Variants in IKZF2 observed in about 807,000 individuals in gnomAD.
IKZF2 encodes IKAROS family zinc finger 2.
Under a neutral mutation model 49.2 loss-of-function variants are expected in IKZF2, and 15 were observed. That is an observed-to-expected ratio of 0.30 (90% CI 0.20 to 0.47). IKZF2 has a LOEUF of 0.47. IKZF2 is among the 20% of genes least tolerant of loss of function. The pLI is 1.00. For missense variants in IKZF2, 567 were observed against 664.6 expected, an observed-to-expected ratio of 0.85 and a Z score of 1.61; for synonymous variants, 227 against 221.4, an observed-to-expected ratio of 1.03 and a Z score of -0.23.
chr2:213,099,129 C>T (rs1488727173), intron 4 of IKZF2, among the ~76,000 whole-genome samples: 1 of 152,058 alleles, frequency 6.6e-6, no homozygotes, highest in Non-Finnish European at 1.5e-5. Context: ...ATCTAGTAAA[C>T]TGAGTTTATT....
At chr2:213,066,595 C>T (rs1702188767) in intron 4 of IKZF2, among the ~76,000 whole-genome samples, 1 of 152,010 alleles carries the variant, frequency 6.6e-6, no homozygotes, top group African/African-American at 2.4e-5. Context: ...TAAGATCTAT[C>T]AAGTAGTGAG....
intron 4 of IKZF2, among the ~76,000 whole-genome samples, chr2:213,146,958 A>G (rs1021515400): frequency 6.6e-6 from 1 of 152,110 alleles, no homozygotes; most frequent in African/African-American, 2.4e-5. Flanking sequence ...CTTGATAACT[A>G]AACTGATAAA....
At chr2:213,117,863 T>C (rs552986562) in intron 4 of IKZF2, among the ~76,000 whole-genome samples, 5 of 152,358 alleles carry the variant, frequency 3.3e-5, no homozygotes, top group Non-Finnish European at 7.3e-5. Flanking sequence ...CAATGGAATT[T>C]AACCACCATT....
intron 3 of IKZF2, among the ~76,000 whole-genome samples, chr2:213,148,045 AC>A (rs2061142332): frequency 6.6e-6 from 1 of 152,252 alleles, no homozygotes; most frequent in Non-Finnish European, 1.5e-5. Context: ...TTATCTCAAT[AC>A]ATAAGTTGTT....
At chr2:213,063,833 T>C (rs903024965) in intron 4 of IKZF2, among the ~76,000 whole-genome samples, 190 of 152,120 alleles carry the variant, frequency 1.2e-3, no homozygotes, top group African/African-American at 4.5e-3. Context: ...TAGTATTATA[T>C]TTAGGACAAA....
intron 4 of IKZF2, among the ~76,000 whole-genome samples, chr2:213,065,358 T>C (rs908952264): frequency 6.6e-6 from 1 of 152,068 alleles, no homozygotes; most frequent in African/African-American, 2.4e-5. Context: ...TGAGAGGAAA[T>C]ACTGCCTTTA....
At chr2:213,008,216 T>C in intron 8 of IKZF2, 132 bp from the exon 9 acceptor site, 1 of 1,102,644 alleles carries the variant, frequency 9.1e-7, no homozygotes, top group Non-Finnish European at 1.3e-6. Context: ...TATATATTAC[T>C]CTATAAGTCA....
chr2:213,037,555 C>T (rs1175998369), intron 6 of IKZF2, among the ~76,000 whole-genome samples: 7 of 152,102 alleles, frequency 4.6e-5, no homozygotes, highest in Non-Finnish European at 7.4e-5. Flanking sequence ...GTGGCTTTTA[C>T]CTTCTAGGTA....
chr2:213,118,523 C>T (rs1476414689), intron 4 of IKZF2, among the ~76,000 whole-genome samples: 1 of 152,146 alleles, frequency 6.6e-6, no homozygotes, highest in East Asian at 1.9e-4. Context: ...GTAAAAAACA[C>T]TAACTCTAAC....
intron 6 of IKZF2, among the ~76,000 whole-genome samples, chr2:213,041,910 A>C (rs1699703282): frequency 6.6e-6 from 1 of 152,144 alleles, no homozygotes; most frequent in African/African-American, 2.4e-5. Context: ...AACAAACAAA[A>C]AGAAGTAATT....
intron 5 of IKZF2, 158 bp downstream of exon 5, chr2:213,056,675 G>A (rs910768639): frequency 2.3e-6 from 2 of 865,942 alleles, no homozygotes; most frequent in African/African-American, 3.3e-5. Context: ...CAAGACCCAG[G>A]CTACTCTCTG....
intron 4 of IKZF2, among the ~76,000 whole-genome samples, chr2:213,079,567 G>A (rs559658859): frequency 2.4e-5 from 1 of 42,260 alleles, no homozygotes; most frequent in South Asian, 4.0e-4. Context: ...GAGAGAGAGA[G>A]ACAGAGAAAG....
chr2:213,082,263 T>C (rs1704035733), intron 4 of IKZF2, among the ~76,000 whole-genome samples: 1 of 152,168 alleles, frequency 6.6e-6, no homozygotes, highest in African/African-American at 2.4e-5. Flanking sequence ...GTTTGAGGAA[T>C]AAATACAACG....
intron 4 of IKZF2, among the ~76,000 whole-genome samples, chr2:213,096,837 A>T (rs1325547228): frequency 6.6e-6 from 1 of 152,068 alleles, no homozygotes; most frequent in East Asian, 1.9e-4. Flanking sequence ...CAACATTACC[A>T]ATGTAATGCT....
chr2:213,062,531 A>G (rs1443067384), intron 4 of IKZF2, among the ~76,000 whole-genome samples: 1 of 151,876 alleles, frequency 6.6e-6, no homozygotes, highest in Non-Finnish European at 1.5e-5. Context: ...TGGGAATTAA[A>G]TATTTTTTTC....
chr2:213,141,729 C>A lies in IKZF2; in HGVS notation c.139+5979G>T, dbSNP rs560359709. On this transcript the variant is annotated intron_variant, in intron 4 of 8. Coordinates refer to ENST00000434687, the MANE Select transcript of IKZF2 (RefSeq NM_001387220.1). ...ACTAAGCTTACTACAGTAAAATGCCCTATTTAATGTCTGTCTGTCCCACTA... is the reference window on the plus strand; with the variant it reads ...ACTAAGCTTACTACAGTAAAATGCCATATTTAATGTCTGTCTGTCCCACTA... Among the ~76,000 whole-genome samples the A allele has an allele frequency of 3.3e-5, 5 of 151,972 alleles. No individual in the cohort carries two copies. The South Asian group carries it at 1.0e-3, about 31-fold the overall frequency.
intron 7 of IKZF2, 197 bp downstream of exon 7, chr2:213,021,796 C>A: frequency 4.8e-6 from 3 of 621,950 alleles, no homozygotes; most frequent in South Asian, 1.8e-5. Context: ...CATTATTATG[C>A]TAATTCAAAC....
Position 213,007,949 on chromosome 2 carries a change from T to G in IKZF2, c.992A>C (p.Glu331Ala). The change falls in exon 9 of 9, where the codon GAG becomes GCG. Residue 331 changes from glutamate (E) to alanine (A), a missense_variant. Around this residue, in one of 5 missense-constraint regions of IKZF2, gnomAD observed 310 missense variants for 326.9 expected, o/e 0.95. Transcript: ENST00000434687. ...INNAITYLGA[E>A]ALHPLMQHPP... ...GTGCTGCATCAGAGGGTGAAGGGCCTCAGCTCCAAGGTAGGTGATTGCATT... is the reference window on the plus strand; with the variant it reads ...GTGCTGCATCAGAGGGTGAAGGGCCGCAGCTCCAAGGTAGGTGATTGCATT... 6.2e-7 allele frequency: 1 copy of G among 1,613,584 alleles called. No individual in the cohort carries two copies. The highest frequency in any genetic ancestry group is 8.5e-7 in the Non-Finnish European group (1 of 1,179,742).
intron 4 of IKZF2, among the ~76,000 whole-genome samples, chr2:213,084,611 A>AG (rs1704357649): frequency 6.6e-6 from 1 of 151,606 alleles, no homozygotes; most frequent in Non-Finnish European, 1.5e-5. Context: ...AAATTGAAAA[A>AG]AAAAACAGGT....
Sources: allele counts gnomAD v4.1 joint callset (sites outside exome capture counted in the v4.1 genomes callset), GRCh38; gene constraint gnomAD v4.1.1; regional missense constraint gnomAD v4.1.1; transcripts MANE v1.5; gene names NCBI Gene and HGNC (gene_info 2026-07-23, HGNC 2026-07-21).